The following ME3 variants were observed in gnomAD, a reference collection of about 807,000 sequenced individuals.
ME3 encodes the protein NADP-dependent malic enzyme, mitochondrial.
Under a neutral mutation model 68.9 loss-of-function variants are expected in ME3, and 48 were observed. That is an observed-to-expected ratio of 0.70 (90% confidence interval 0.55 to 0.89). The LOEUF is 0.89. ME3 is among the 40% of genes least tolerant of loss of function. ME3 has a pLI of 0.00. For missense variants in ME3, 675 were observed against 797.4 expected, an observed-to-expected ratio of 0.85 and a Z score of 1.85; for synonymous variants, 320 against 318.8, an observed-to-expected ratio of 1.00 and a Z score of -0.04.
rs140505701 is a variant in ME3 at position 86,494,014 on chromosome 11, G to T, written c.705+3949C>A. Among the ~76,000 whole-genome samples, 55 of 151,668 alleles carry T rather than the reference G, an allele frequency of 3.6e-4. 1 individual carries two copies. In the East Asian group the frequency reaches 0.011, roughly 29 times the overall value. On this transcript the variant is annotated intron_variant, in intron 6 of 14. Transcript: ENST00000543262. ...TTGCTCTGAGCAAAAGGTGTGCCCTGGGACTTCTGGGGGGAATATCTTGCA... is the reference window on the plus strand; with the variant it reads ...TTGCTCTGAGCAAAAGGTGTGCCCTTGGACTTCTGGGGGGAATATCTTGCA...
At position 86,663,622 on chromosome 11, in the gene ME3, C is replaced by A. The variant is rs552910031; in HGVS notation, c.183+8140G>T. Among the ~76,000 whole-genome samples, 5 of 152,298 alleles carry A rather than the reference C, an allele frequency of 3.3e-5. No homozygotes were observed. The East Asian group carries it at 5.8e-4, about 18-fold the overall frequency. On this transcript the variant is annotated intron_variant, in intron 2 of 14. Transcript: ENST00000543262. The stretch of plus-strand genomic sequence containing the variant: ...ACAAAAGTGCTGCACATTAGTGATC[C>A]TTTTGCAATGGCCATAGAAATCAAA...
At chr11:86,661,522 T>G (rs1238728985) in intron 2 of ME3, among the ~76,000 whole-genome samples, 1 of 152,250 alleles carries the variant, frequency 6.6e-6, no homozygotes, top group East Asian at 1.9e-4. Flanking sequence ...GGTACATGTC[T>G]ATTGCTCAAT....
At chr11:86,457,784 G>T (rs1555200943) in intron 8 of ME3, 6 of 1,251,208 alleles carry the variant, frequency 4.8e-6, no homozygotes, top group Non-Finnish European at 6.2e-6. Flanking sequence ...AGAAAAAGAA[G>T]TTTTTTTTTC....
intron 2 of ME3, among the ~76,000 whole-genome samples, chr11:86,616,009 A>G (rs1329733580): frequency 6.6e-6 from 1 of 152,210 alleles, no homozygotes; most frequent in East Asian, 1.9e-4. Context: ...CACAACCACT[A>G]TTGACATTTT....
intron 4 of ME3, among the ~76,000 whole-genome samples, chr11:86,524,911 C>T (rs186747998): frequency 4.2e-4 from 64 of 152,232 alleles, no homozygotes; most frequent in African/African-American, 1.3e-3. Context: ...GACTAAGTTC[C>T]GCCTCCAAAC....
intron 4 of ME3, among the ~76,000 whole-genome samples, chr11:86,524,027 C>G (rs1954536654): frequency 6.6e-6 from 1 of 152,180 alleles, no homozygotes; most frequent in South Asian, 2.1e-4. Flanking sequence ...AATATTTACT[C>G]CTTCAGAAAT....
chr11:86,574,507 C>T (rs1957987026), intron 2 of ME3, among the ~76,000 whole-genome samples: 1 of 151,824 alleles, frequency 6.6e-6, no homozygotes, highest in Non-Finnish European at 1.5e-5. Context: ...AGGTCTACTG[C>T]AGTTTGCTGG....
chr11:86,655,523 G>C (rs182988720), intron 2 of ME3, among the ~76,000 whole-genome samples: 1 of 152,062 alleles, frequency 6.6e-6, no homozygotes. Flanking sequence ...AATAAATGGT[G>C]CTGGGAAAAC....
chr11:86,559,858 G>A (rs773170597), intron 2 of ME3, 35 bp from the exon 3 acceptor site: 3 of 1,604,682 alleles, frequency 1.9e-6, no homozygotes, highest in East Asian at 2.2e-5. Flanking sequence ...CCACACATAA[G>A]TGCATACTCA....
intron 2 of ME3, among the ~76,000 whole-genome samples, chr11:86,644,871 CACTGGG>C (rs1944899008): frequency 6.6e-6 from 1 of 152,168 alleles, no homozygotes; most frequent in Admixed American, 6.5e-5. Context: ...TGGCTCATCT[CACTGGG>C]ACTGGTTAGA....
chr11:86,550,551 T>C (rs1956613453), intron 4 of ME3, among the ~76,000 whole-genome samples: 1 of 152,198 alleles, frequency 6.6e-6, no homozygotes, highest in African/African-American at 2.4e-5. Context: ...AGGACGCCTT[T>C]CCAGCAGCAC....
At chr11:86,543,342 T>G (rs1163433405) in intron 4 of ME3, among the ~76,000 whole-genome samples, 1 of 152,178 alleles carries the variant, frequency 6.6e-6, no homozygotes, top group Non-Finnish European at 1.5e-5. Flanking sequence ...ATGCCCCAAT[T>G]AAAAGACAAA....
chr11:86,507,115 TATC>T (rs946671598), intron 5 of ME3, among the ~76,000 whole-genome samples: 3 of 152,126 alleles, frequency 2.0e-5, no homozygotes, highest in Non-Finnish European at 1.5e-5. Flanking sequence ...TTTTAAGTAA[TATC>T]ATTCCCTGGA....
chr11:86,478,864 T>C (rs556386886), intron 7 of ME3, among the ~76,000 whole-genome samples: 3 of 152,288 alleles, frequency 2.0e-5, no homozygotes, highest in Admixed American at 2.0e-4. Flanking sequence ...CTGCATTAGA[T>C]GACTGTAGCC....
chr11:86,510,912 C>T (rs1246772738), intron 4 of ME3, among the ~76,000 whole-genome samples: 9 of 152,154 alleles, frequency 5.9e-5, no homozygotes, highest in Admixed American at 5.9e-4. Flanking sequence ...AACAAAGACT[C>T]AAGACAAAAC....
chr11:86,614,448 T>TGA (rs1268803662), intron 2 of ME3, among the ~76,000 whole-genome samples: 1 of 152,214 alleles, frequency 6.6e-6, no homozygotes, highest in Non-Finnish European at 1.5e-5. Flanking sequence ...GCCTTTGCTG[T>TGA]GAGTCCAGAA....
In ME3 at chr11:86,622,816, C is replaced by T. The variant is rs187071297; in HGVS notation, c.183+48946G>A. Reference sequence around the variant, plus strand: ...TCATCCATCAAGATTGTCTTCGAAGCTTTGTCTTTGAAGTTTTCACCTATT... The same window carrying T: ...TCATCCATCAAGATTGTCTTCGAAGTTTTGTCTTTGAAGTTTTCACCTATT... On this transcript the variant is annotated intron_variant, in intron 2 of 14. Coordinates refer to ENST00000543262, the Ensembl canonical transcript of ME3. 4.6e-5 allele frequency: 7 copies of T among 152,054 alleles called. No individual in the cohort carries two copies. In the East Asian group the frequency reaches 9.6e-4, roughly 21 times the overall value. The allele number at this position is 152,054 out of a possible 1,614,324, so 9.4% of individuals were successfully genotyped here.
intron 2 of ME3, among the ~76,000 whole-genome samples, chr11:86,595,306 TAGAGAGAG>T (rs34224480): frequency 1.3e-5 from 1 of 79,790 alleles, no homozygotes; most frequent in Non-Finnish European, 2.9e-5. Flanking sequence ...TATATATATA[TAGAGAGAG>T]AGAGAGAGAG....
chr11:86,614,354 C>G (rs1311325920), intron 2 of ME3, among the ~76,000 whole-genome samples: 2 of 152,196 alleles, frequency 1.3e-5, no homozygotes, highest in Non-Finnish European at 2.9e-5. Context: ...AAATTATAAA[C>G]TCATTTCAGC....
Sources: allele counts gnomAD v4.1 joint callset (sites outside exome capture counted in the v4.1 genomes callset), GRCh38; gene constraint gnomAD v4.1.1; transcripts MANE v1.5; gene names NCBI Gene and HGNC (gene_info 2026-07-23, HGNC 2026-07-21).